Variants in CLYBL observed in about 807,000 individuals in gnomAD.
CLYBL encodes citramalyl-CoA lyase, mitochondrial.
CLYBL carries 31 observed loss-of-function variants against 38.9 expected under a neutral mutation model. The ratio of observed to expected loss-of-function variants is 0.80; its 90% CI spans 0.60 to 1.08. The LOEUF (loss-of-function observed/expected upper bound fraction) is 1.08. CLYBL is among the 50% of genes least tolerant of loss of function. The probability of loss-of-function intolerance (pLI) is 0.00; values close to 1 mark genes in which losing one functional copy is unlikely to be tolerated. For synonymous variants in CLYBL, 171 were observed against 158.6 expected, an observed-to-expected ratio of 1.08 and a Z score of -0.59; for missense variants, 434 against 411.6, an observed-to-expected ratio of 1.05 and a Z score of -0.47.
rs2051837640 is a variant in CLYBL, at chr13:99,869,772, C to G, written c.803-1166C>G. On this transcript the variant is annotated intron_variant, in intron 6 of 8. Transcript: ENST00000339105. This position sits in a 1 kb window ranked among gnomAD's most constrained non-coding sequence, Gnocchi z 4.3. ...ACATCAAGGATATAATTTCTACTGT[C>G]TAAATGTTAAAATAACTATTTCAAA... Among the ~76,000 whole-genome samples, 1 of 152,024 alleles carries G rather than the reference C, an allele frequency of 6.6e-6. No homozygotes were observed. Among genetic ancestry groups the G allele is most frequent in the Non-Finnish European group, 1.5e-5 (1 of 67,936 alleles).
intron 2 of CLYBL, among the ~76,000 whole-genome samples, chr13:99,822,967 C>T (rs1486058625): frequency 6.6e-6 from 1 of 152,156 alleles, no homozygotes; most frequent in Admixed American, 6.5e-5. Flanking sequence ...AGCTCTCTTA[C>T]CCTTCTCCCA....
intron 2 of CLYBL, among the ~76,000 whole-genome samples, chr13:99,790,379 T>C (rs2049890567): frequency 6.6e-6 from 1 of 152,210 alleles, no homozygotes; most frequent in African/African-American, 2.4e-5. Flanking sequence ...AGGAGCTCTT[T>C]TAGGGCAGGC....
intron 1 of CLYBL, among the ~76,000 whole-genome samples, chr13:99,692,780 C>G (rs780975024): frequency 1.3e-5 from 2 of 152,170 alleles, no homozygotes; most frequent in Non-Finnish European, 2.9e-5. Context: ...CTTTCTAAAT[C>G]TATAGATTTG....
chr13:99,838,269 A>G (rs2050986311), intron 2 of CLYBL, among the ~76,000 whole-genome samples: 1 of 152,232 alleles, frequency 6.6e-6, no homozygotes, highest in African/African-American at 2.4e-5. Flanking sequence ...GTAAGTTGAC[A>G]TATTAGGCCA....
intron 9 of CLYBL, among the ~76,000 whole-genome samples, chr13:99,905,648 G>A (rs950919442): frequency 2.0e-5 from 3 of 151,586 alleles, no homozygotes; most frequent in African/African-American, 4.8e-5. Flanking sequence ...AGAAAAGGGG[G>A]AAGAAATCTA....
At chr13:99,784,436 T>C (rs565724459) in intron 2 of CLYBL, among the ~76,000 whole-genome samples, 1 of 146,120 alleles carries the variant, frequency 6.8e-6, no homozygotes, top group South Asian at 2.2e-4. Flanking sequence ...CCTCTGCTTC[T>C]GGAAAATTCT....
chr13:99,739,865 T>C (rs961670083), intron 1 of CLYBL, among the ~76,000 whole-genome samples: 2 of 152,040 alleles, frequency 1.3e-5, no homozygotes, highest in African/African-American at 4.8e-5. Flanking sequence ...TCCTAGCTAC[T>C]TGGGAGGCTG....
At chr13:99,786,201 T>G (rs984641293) in intron 2 of CLYBL, among the ~76,000 whole-genome samples, 2 of 88,554 alleles carry the variant, frequency 2.3e-5, no homozygotes, top group South Asian at 7.9e-4. Context: ...TTAGCTTTCC[T>G]TTTTTTTTTT....
At chr13:99,819,126 G>A (rs1163498606) in intron 2 of CLYBL, among the ~76,000 whole-genome samples, 1 of 151,608 alleles carries the variant, frequency 6.6e-6, no homozygotes, top group Non-Finnish European at 1.5e-5. Flanking sequence ...CGGGAGAATC[G>A]CTTGAGGCCA....
In CLYBL at chr13:99,637,962, C is replaced by CTTTTTTTTTTTTTT. The variant is rs34513643; in HGVS notation, c.62+31211_62+31224dup. 1.8e-4 allele frequency among the ~76,000 whole-genome samples: 17 copies of CTTTTTTTTTTTTTT among 95,002 alleles called. 1 individual carries two copies. Among genetic ancestry groups the CTTTTTTTTTTTTTT allele is most frequent in the South Asian group, 5.1e-4 (1 of 1,976 alleles). The allele number at this position is 95,002 out of a possible 152,430, so 62.3% of individuals were successfully genotyped here. A position where few individuals can be genotyped will look rare whatever the true frequency, so the allele number is the denominator to read the frequency against. ...ATCTAGTTATCCAAGTCAACAGTGCCTTTTTTTTTTTTTTTTTTTGAGACA... is the reference window on the plus strand; with the variant it reads ...ATCTAGTTATCCAAGTCAACAGTGCCTTTTTTTTTTTTTTTTTTTTTTTTTTTTTTTTTGAGACA... On this transcript the variant is annotated intron_variant, in intron 1 of 8. Coordinates refer to ENST00000339105, the MANE Select transcript of CLYBL (RefSeq NM_206808.5).
At chr13:99,906,315 T>C (rs999228045) in intron 9 of CLYBL, among the ~76,000 whole-genome samples, 4 of 152,238 alleles carry the variant, frequency 2.6e-5, no homozygotes, top group African/African-American at 9.6e-5. Context: ...GAAAAATGTC[T>C]GTTAAGATTT....
chr13:99,858,978 C>T lies in CLYBL; in HGVS notation c.367C>T (p.Leu123Phe), dbSNP rs1392798961. ...TCTGGCGGAAGAAGACCTAGAGACC[C>T]TTTTGCAATCCCGGGTCCTTCCTTC... is the stretch of plus-strand genomic sequence containing the variant. ...SGLAEEDLET[L>F]LQSRVLPSSL... Residue 123 changes from leucine to phenylalanine, a missense_variant, in exon 3 of 9, where the codon CTT (leucine) becomes TTT (phenylalanine). Transcript: ENST00000339105. 3 of 1,614,088 alleles carry T rather than the reference C, an allele frequency of 1.9e-6. No individual in the cohort carries two copies. The highest frequency in any genetic ancestry group is 1.7e-5 in the Admixed American group (1 of 60,022).
intron 7 of CLYBL, chr13:99,877,467 G>T: frequency 7.1e-6 from 2 of 283,136 alleles, no homozygotes; most frequent in Non-Finnish European, 1.3e-5. Flanking sequence ...CACACCCCAG[G>T]CCATCCCTCA....
At chr13:99,832,213 C>T (rs1184940543) in intron 2 of CLYBL, among the ~76,000 whole-genome samples, 2 of 152,186 alleles carry the variant, frequency 1.3e-5, no homozygotes, top group Non-Finnish European at 2.9e-5. Context: ...ATGGTTGACT[C>T]CCATTAGGGA....
chr13:99,716,787 CTTTTTTTTTT>C lies in CLYBL; in HGVS notation c.63-56025_63-56016del, dbSNP rs1260332084. ...CTCTTACTTTAATTTCTTTTCTTTT[CTTTTTTTTTT>C]TTTTTTTTTTTGAGACGGAGTTTAG... On this transcript the variant is annotated intron_variant, in intron 1 of 8. Coordinates refer to ENST00000339105, the MANE Select transcript of CLYBL (RefSeq NM_206808.5). Among the ~76,000 whole-genome samples, 156 of 100,904 alleles carry C rather than the reference CTTTTTTTTTT, an allele frequency of 1.5e-3. 2 individuals are homozygous for C. Among genetic ancestry groups the C allele is most frequent in the African/African-American group, 4.8e-3 (125 of 26,242 alleles). 66.2% of individuals were successfully genotyped at this position (100,904 alleles called of 152,430 possible).
intron 2 of CLYBL, among the ~76,000 whole-genome samples, chr13:99,786,863 C>T (rs1351854580): frequency 6.6e-6 from 1 of 152,042 alleles, no homozygotes; most frequent in Non-Finnish European, 1.5e-5. Flanking sequence ...TCCTCTCCAG[C>T]ACCTGTTGTT....
chr13:99,771,481 C>G (rs1002671947), intron 1 of CLYBL, among the ~76,000 whole-genome samples: 4 of 152,188 alleles, frequency 2.6e-5, no homozygotes, highest in African/African-American at 9.6e-5. Flanking sequence ...TTGTGAAGTT[C>G]TTAATAAATT....
chr13:99,753,479 A>G (rs1001782357), intron 1 of CLYBL, among the ~76,000 whole-genome samples: 3 of 152,182 alleles, frequency 2.0e-5, no homozygotes, highest in Non-Finnish European at 4.4e-5. Flanking sequence ...ACGCCCATGT[A>G]TGTTAGCTCT....
chr13:99,864,785 C>T (rs781703716), intron 4 of CLYBL, 33 bp from the exon 5 acceptor site: 23 of 1,490,192 alleles, frequency 1.5e-5, no homozygotes, highest in Middle Eastern at 3.4e-4. Flanking sequence ...CACGCGTTTC[C>T]GTGAGACTTA....
Sources: allele counts gnomAD v4.1 joint callset (sites outside exome capture counted in the v4.1 genomes callset), GRCh38; gene constraint gnomAD v4.1.1; non-coding constraint Gnocchi (gnomAD v3.1); transcripts MANE v1.5; gene names NCBI Gene and HGNC (gene_info 2026-07-23, HGNC 2026-07-21).